Variants in UNC13C observed in about 807,000 individuals in gnomAD.
The protein encoded by UNC13C is protein unc-13 homolog C.
UNC13C carries 174 observed loss-of-function variants against 245.4 expected under a neutral mutation model. That is an observed-to-expected ratio of 0.71 (90% CI 0.63 to 0.80). The LOEUF is 0.80. Among genes scored for constraint, UNC13C ranks in the 30% least tolerant of loss-of-function variants. The pLI, the probability that UNC13C is intolerant of heterozygous loss-of-function variation, is 0.00. For synonymous variants in UNC13C, 992 were observed against 895.1 expected (o/e 1.11, Z -1.93); for missense variants, 2,829 against 2,602.9 (o/e 1.09, Z -1.89).
chr15:54,112,276 A>G (rs566439792), intron 2 of UNC13C, among the ~76,000 whole-genome samples: 15 of 152,332 alleles, frequency 9.8e-5, no homozygotes, highest in Admixed American at 3.3e-4. Context: ...ATGCAAAGAA[A>G]GAGAAAAGAG....
At position 53,999,764 on chromosome 15, in the gene UNC13C, A is replaced by T. The variant is rs1047461605; in HGVS notation, c.-256-12884A>T. Among the ~76,000 whole-genome samples the T allele has an allele frequency of 2.0e-5, 3 of 152,016 alleles. No individual in the cohort carries two copies. The South Asian group carries it at 6.2e-4, about 31-fold the overall frequency. On this transcript the variant is annotated intron_variant, in intron 1 of 32. Transcript: ENST00000260323. ...TTTTTTAAATTATTCATTTCAAAAT[A>T]TTTCAGTTTTGGGGGGTTTTGACCC...
At chr15:53,867,719 C>G in the UNC13C span, among the ~76,000 whole-genome samples, 1 of 152,198 alleles carries the variant, frequency 6.6e-6, no homozygotes, top group African/African-American at 2.4e-5. Context: ...TGATTTCCTT[C>G]CTGCCTATTA....
rs555663420 is a variant in UNC13C at position 54,253,633 on chromosome 15, T to G, written c.3448+3189T>G. 2.6e-5 allele frequency among the ~76,000 whole-genome samples: 4 copies of G among 152,272 alleles called. No homozygotes were observed. The East Asian group carries it at 7.7e-4, about 29-fold the overall frequency. ...AGCATTTGGTGGTGAAATAATTTAATTATAATAAATGGAGGAGCAGGTTGT... is the reference window on the plus strand; with the variant it reads ...AGCATTTGGTGGTGAAATAATTTAAGTATAATAAATGGAGGAGCAGGTTGT... On this transcript the variant is annotated intron_variant, in intron 8 of 32. Transcript: ENST00000260323.
chr15:54,602,872 TA>T (rs1899518197), intron 30 of UNC13C, among the ~76,000 whole-genome samples: 1 of 152,308 alleles, frequency 6.6e-6, no homozygotes, highest in South Asian at 2.1e-4. Context: ...TGATGTCTTT[TA>T]AAGTCCCTTT....
intron 4 of UNC13C, among the ~76,000 whole-genome samples, chr15:54,195,332 C>T (rs1371956473): frequency 6.6e-6 from 1 of 152,084 alleles, no homozygotes; most frequent in Non-Finnish European, 1.5e-5. Flanking sequence ...GTTAATTTAA[C>T]AATTCAAACA....
At chr15:54,213,820 T>C (rs189591264) in intron 4 of UNC13C, among the ~76,000 whole-genome samples, 82 of 152,110 alleles carry the variant, frequency 5.4e-4, no homozygotes, top group Non-Finnish European at 9.4e-4. Context: ...ATTTTGCAAC[T>C]TGCCAACCTA....
intron 4 of UNC13C, among the ~76,000 whole-genome samples, chr15:54,192,809 G>A (rs1021117699): frequency 6.6e-6 from 1 of 151,910 alleles, no homozygotes; most frequent in Admixed American, 6.6e-5. Context: ...CATATATTGT[G>A]TTTTGAATTA....
At chr15:53,875,305 G>A in the UNC13C span, among the ~76,000 whole-genome samples, 6 of 152,156 alleles carry the variant, frequency 3.9e-5, no homozygotes, top group African/African-American at 1.4e-4. Flanking sequence ...GTGCAGTGTA[G>A]CATCTCAGCA....
At chr15:53,884,975 A>G in the UNC13C span, among the ~76,000 whole-genome samples, 1 of 152,248 alleles carries the variant, frequency 6.6e-6, no homozygotes, top group African/African-American at 2.4e-5. Context: ...CAGTGAAACT[A>G]TTAGTGACTA....
Position 54,549,650 on chromosome 15 carries a change from T to G in UNC13C, c.5836T>G (p.Phe1946Val). The G allele has an allele frequency of 6.2e-7, 1 of 1,605,066 alleles. No homozygotes were observed. Among genetic ancestry groups the G allele is most frequent in the Non-Finnish European group, 8.5e-7 (1 of 1,175,950 alleles). ...LTDQTGPQMI[F>V]IAAKDLGQLS... ...TTGTTTCTAGGGACCCCAGATGATT[T>G]TCATTGCAGCTAAAGATCTTGGACA... The change falls in exon 28 of 33, where the codon TTC (phenylalanine) becomes GTC (valine). Residue 1946 changes from phenylalanine (F) to valine (V), a missense_variant. Coordinates refer to ENST00000260323, the MANE Select transcript of UNC13C (RefSeq NM_001080534.3).
At chr15:54,353,830 C>G (rs2039036713) in intron 17 of UNC13C, among the ~76,000 whole-genome samples, 1 of 152,164 alleles carries the variant, frequency 6.6e-6, no homozygotes, top group South Asian at 2.1e-4. Flanking sequence ...CTGTCCTTGG[C>G]TTTTACTCTA....
At chr15:54,199,116 C>T (rs565718291) in intron 4 of UNC13C, among the ~76,000 whole-genome samples, 14 of 151,912 alleles carry the variant, frequency 9.2e-5, no homozygotes, top group East Asian at 5.8e-4. Context: ...ACAGGCTTTC[C>T]GAGTTAACCC....
chr15:54,316,010 C>T (rs1054570771), intron 13 of UNC13C, among the ~76,000 whole-genome samples: 2 of 151,830 alleles, frequency 1.3e-5, no homozygotes, highest in African/African-American at 4.8e-5. Flanking sequence ...TCCTTAAACT[C>T]ATCCTCCTAC....
chr15:54,596,081 G>T (rs1899065083), intron 30 of UNC13C, among the ~76,000 whole-genome samples: 1 of 151,990 alleles, frequency 6.6e-6, no homozygotes, highest in Non-Finnish European at 1.5e-5. Flanking sequence ...TGGTATTTTT[G>T]GTCCAAAACC....
At chr15:53,871,737 A>C in the UNC13C span, among the ~76,000 whole-genome samples, 2 of 152,176 alleles carry the variant, frequency 1.3e-5, no homozygotes, top group African/African-American at 2.4e-5. Context: ...AATTGGACAC[A>C]TTGATTTCTT....
intron 2 of UNC13C, among the ~76,000 whole-genome samples, chr15:54,078,870 T>C (rs946456459): frequency 1.3e-4 from 20 of 152,058 alleles, no homozygotes; most frequent in Non-Finnish European, 2.1e-4. Context: ...AAGTCTTAAT[T>C]ATAAATTTTT....
At chr15:54,367,333 G>A (rs892006086) in intron 17 of UNC13C, among the ~76,000 whole-genome samples, 8 of 152,054 alleles carry the variant, frequency 5.3e-5, no homozygotes, top group African/African-American at 1.9e-4. Context: ...TATTCATAAA[G>A]GCACAATGTG....
chr15:54,126,322 A>G (rs1423983314), intron 2 of UNC13C, among the ~76,000 whole-genome samples: 1 of 152,222 alleles, frequency 6.6e-6, no homozygotes, highest in Non-Finnish European at 1.5e-5. Flanking sequence ...ATAAAGCAAC[A>G]GTAGCCATGC....
At chr15:54,461,222 A>C (rs906454676) in intron 19 of UNC13C, among the ~76,000 whole-genome samples, 4 of 152,182 alleles carry the variant, frequency 2.6e-5, no homozygotes, top group African/African-American at 9.6e-5. Context: ...AAATATTCAA[A>C]ATCTGAAATG....
Sources: gnomAD v4.1 joint callset for allele counts (sites outside exome capture counted in the v4.1 genomes callset) on GRCh38, gnomAD v4.1.1 for gene constraint, MANE v1.5 for transcripts, NCBI Gene and HGNC (gene_info 2026-07-23, HGNC 2026-07-21) for gene names.